The following IMMP2L variants were observed in gnomAD, a reference collection of about 807,000 sequenced individuals.
The protein encoded by IMMP2L is mitochondrial inner membrane protease subunit 2.
Under a neutral mutation model 19.3 loss-of-function variants are expected in IMMP2L, and 18 were observed. That is an observed-to-expected ratio of 0.93 (90% CI 0.64 to 1.38). IMMP2L has a LOEUF of 1.38. Among genes scored for constraint, IMMP2L ranks in the 40% most tolerant of loss-of-function variants. The pLI, the probability that IMMP2L is intolerant of heterozygous loss-of-function variation, is 0.00. For missense variants in IMMP2L, 233 were observed against 218.2 expected, an observed-to-expected ratio of 1.07 and a Z score of -0.43; for synonymous variants, 76 against 73.0, an observed-to-expected ratio of 1.04 and a Z score of -0.21.
At chr7:110,667,460 C>T (rs567147764) in intron 5 of IMMP2L, among the ~76,000 whole-genome samples, 4 of 152,298 alleles carry the variant, frequency 2.6e-5, no homozygotes, top group African/African-American at 9.6e-5. Flanking sequence ...AATTAAGATG[C>T]TAACCAGTTG....
intron 4 of IMMP2L, among the ~76,000 whole-genome samples, chr7:110,957,300 A>G (rs1818450197): frequency 6.6e-6 from 1 of 152,020 alleles, no homozygotes. Context: ...CTGTGACTAT[A>G]AATAACGTAA....
At chr7:111,425,906 T>G (rs996414526) in intron 3 of IMMP2L, among the ~76,000 whole-genome samples, 1 of 151,286 alleles carries the variant, frequency 6.6e-6, no homozygotes. Flanking sequence ...CATCTACTCC[T>G]TCATTTATTC....
chr7:111,207,256 C>A (rs191118093), intron 3 of IMMP2L, among the ~76,000 whole-genome samples: 1 of 152,248 alleles, frequency 6.6e-6, no homozygotes, highest in African/African-American at 2.4e-5. Flanking sequence ...AGTAGCTCAG[C>A]CACTAATAAT....
chr7:111,139,187 T>G (rs1389245425), intron 3 of IMMP2L, among the ~76,000 whole-genome samples: 1 of 151,980 alleles, frequency 6.6e-6, no homozygotes, highest in Non-Finnish European at 1.5e-5. Context: ...GAAGAAATTT[T>G]GGAACGGAGC....
intron 3 of IMMP2L, among the ~76,000 whole-genome samples, chr7:111,015,281 G>T (rs983685877): frequency 2.6e-5 from 4 of 152,130 alleles, no homozygotes; most frequent in Non-Finnish European, 5.9e-5. Flanking sequence ...AAAACGTTAT[G>T]CTGAGTGAAA....
intron 3 of IMMP2L, among the ~76,000 whole-genome samples, chr7:111,067,921 G>C (rs1794647533): frequency 6.6e-6 from 1 of 152,156 alleles, no homozygotes. Flanking sequence ...CGCAGCAAGA[G>C]ATTAAGGATG....
chr7:111,275,970 A>T (rs1818997233), intron 3 of IMMP2L, among the ~76,000 whole-genome samples: 1 of 152,124 alleles, frequency 6.6e-6, no homozygotes, highest in Admixed American at 6.5e-5. Flanking sequence ...TAGGTATAAG[A>T]TCATATCATC....
intron 5 of IMMP2L, among the ~76,000 whole-genome samples, chr7:110,744,557 CAGCAATCT>C (rs1797201464): frequency 6.6e-6 from 1 of 152,194 alleles, no homozygotes; most frequent in African/African-American, 2.4e-5. Flanking sequence ...ATAGAATAGG[CAGCAATCT>C]TTGCTGCTCT....
At chr7:111,321,081 A>G (rs1474035538) in intron 3 of IMMP2L, among the ~76,000 whole-genome samples, 8 of 151,996 alleles carry the variant, frequency 5.3e-5, no homozygotes, top group Admixed American at 1.3e-4. Context: ...AATCTGCCCA[A>G]TGGAAAAATA....
chr7:111,220,441 A>G (rs1324610300), intron 3 of IMMP2L, among the ~76,000 whole-genome samples: 1 of 152,076 alleles, frequency 6.6e-6, no homozygotes, highest in Non-Finnish European at 1.5e-5. Context: ...TAAAAGCTAG[A>G]TTTAATTGCA....
intron 3 of IMMP2L, among the ~76,000 whole-genome samples, chr7:111,047,103 C>T (rs538399205): frequency 2.6e-5 from 4 of 152,096 alleles, no homozygotes; most frequent in Admixed American, 1.3e-4. Context: ...GCTGGAAACA[C>T]ATCGTTACCT....
intron 3 of IMMP2L, among the ~76,000 whole-genome samples, chr7:111,417,314 G>C (rs1209483751): frequency 6.6e-6 from 1 of 151,770 alleles, no homozygotes; most frequent in African/African-American, 2.4e-5. Context: ...ATCTCCTGTT[G>C]TCGGGTGGAG....
chr7:111,373,221 G>C (rs1830402601), intron 3 of IMMP2L, among the ~76,000 whole-genome samples: 1 of 150,918 alleles, frequency 6.6e-6, no homozygotes, highest in African/African-American at 2.4e-5. Flanking sequence ...TAAAAGGAAA[G>C]AAAAAAATAA....
At chr7:111,016,470 G>C (rs576673415) in intron 3 of IMMP2L, among the ~76,000 whole-genome samples, 1 of 125,130 alleles carries the variant, frequency 8.0e-6, no homozygotes, top group South Asian at 2.3e-4. Flanking sequence ...ATATATTTAT[G>C]TAGTTTATAC....
chr7:111,491,771 T>A (rs1199225150), intron 2 of IMMP2L, among the ~76,000 whole-genome samples: 3 of 152,278 alleles, frequency 2.0e-5, no homozygotes, highest in Non-Finnish European at 4.4e-5. Context: ...CAGGTCCTCT[T>A]CCCTAATTTA....
intron 2 of IMMP2L, among the ~76,000 whole-genome samples, chr7:111,503,910 C>T (rs1259568992): frequency 6.6e-6 from 1 of 152,058 alleles, no homozygotes; most frequent in Admixed American, 6.6e-5. Context: ...AAAACTGGCA[C>T]AAGACAGGGA....
At chr7:111,299,284 A>G (rs1335276025) in intron 3 of IMMP2L, among the ~76,000 whole-genome samples, 4 of 152,190 alleles carry the variant, frequency 2.6e-5, no homozygotes, top group African/African-American at 9.6e-5. Context: ...TAAATAATGT[A>G]CCACAAAATT....
chr7:110,884,852 T>C (rs1429363163), intron 5 of IMMP2L, among the ~76,000 whole-genome samples: 3 of 152,014 alleles, frequency 2.0e-5, no homozygotes, highest in African/African-American at 7.2e-5. Flanking sequence ...TTATCATCAT[T>C]GCAACTAGAA....
intron 3 of IMMP2L, among the ~76,000 whole-genome samples, chr7:111,167,732 T>C (rs182612187): frequency 9.0e-4 from 137 of 152,004 alleles, no homozygotes; most frequent in Non-Finnish European, 1.4e-3. Context: ...GCCTCAAAAA[T>C]AGCTGGTCCT....
Sources: gnomAD v4.1 joint callset for allele counts (sites outside exome capture counted in the v4.1 genomes callset) on GRCh38, gnomAD v4.1.1 for gene constraint, MANE v1.5 for transcripts, NCBI Gene and HGNC (gene_info 2026-07-23, HGNC 2026-07-21) for gene names.